CD86: variants seen among roughly 807,000 people sequenced by gnomAD.
CD86 encodes the protein T-lymphocyte activation antigen CD86.
Under a neutral mutation model 32.1 loss-of-function variants are expected in CD86, and 11 were observed. That is an observed-to-expected ratio of 0.34 (90% CI 0.22 to 0.57). CD86 has a LOEUF of 0.57. CD86 is among the 20% of genes least tolerant of loss of function. The probability of loss-of-function intolerance (pLI) is 0.86; values close to 1 mark genes in which losing one functional copy is unlikely to be tolerated. For missense variants in CD86, 359 were observed against 398.4 expected (o/e 0.90, Z 0.84); for synonymous variants, 137 against 135.3 (o/e 1.01, Z -0.09).
chr3:122,086,608 C>T (rs775260381), intron 1 of CD86: 19 of 479,840 alleles, frequency 4.0e-5, no homozygotes, highest in Non-Finnish European at 7.5e-5. Context: ...GAAGCTGGTG[C>T]CTGTCCAGGT....
chr3:122,106,542 T>C, intron 4 of CD86, 42 bp downstream of exon 4: 4 of 1,509,648 alleles, frequency 2.6e-6, no homozygotes, highest in East Asian at 2.3e-5. Context: ...GCAGGTATTA[T>C]ACACAAATGC....
rs142317090 is a variant in CD86, at chr3:122,067,235, C to A, written c.14+11732C>A. ...TTGCTGAGAAGCGTGAACACTAACT[C>A]ATGAGGAGTAAGGCGCGGGTCTTTA... On this transcript the variant is annotated intron_variant, in intron 1 of 6. Transcript: ENST00000330540. 7.1e-3 allele frequency among the ~76,000 whole-genome samples: 1,087 copies of A among 152,282 alleles called. 10 individuals are homozygous for A. Among genetic ancestry groups the A allele is most frequent in the Non-Finnish European group, 7.2e-3 (490 of 68,016 alleles).
chr3:122,116,998 A>G (rs575924306), intron 5 of CD86, among the ~76,000 whole-genome samples: 14 of 152,306 alleles, frequency 9.2e-5, no homozygotes, highest in African/African-American at 2.6e-4. Flanking sequence ...CTCTAAACTG[A>G]AAATGATTGG....
intron 3 of CD86, among the ~76,000 whole-genome samples, chr3:122,104,679 C>CAT (rs1213903782): frequency 6.6e-6 from 1 of 152,176 alleles, no homozygotes; most frequent in Non-Finnish European, 1.5e-5. Context: ...GACAGTGTCA[C>CAT]ATAAGTGAAG....
At chr3:122,113,155 A>G (rs944573143) in intron 5 of CD86, among the ~76,000 whole-genome samples, 5 of 152,242 alleles carry the variant, frequency 3.3e-5, no homozygotes, top group Non-Finnish European at 7.3e-5. Context: ...CTCTGGTTCC[A>G]TCAAAGTTGC....
At chr3:122,061,550 A>G (rs1353349671) in intron 1 of CD86, among the ~76,000 whole-genome samples, 1 of 152,224 alleles carries the variant, frequency 6.6e-6, no homozygotes, top group Non-Finnish European at 1.5e-5. Flanking sequence ...TGGGCAAAAG[A>G]TATAAAAAGA....
In CD86 at chr3:122,094,159, A is replaced by C. The variant is rs190061339; in HGVS notation, c.64+2509A>C. On this transcript the variant is annotated intron_variant, in intron 2 of 6. Transcript: ENST00000330540. Reference sequence around the variant, plus strand: ...CAAGATCTGGGAGAGAAGGAAGAAAAATGCCCTGGAAACACATTTCCAGAA... The same window carrying C: ...CAAGATCTGGGAGAGAAGGAAGAAACATGCCCTGGAAACACATTTCCAGAA... Among the ~76,000 whole-genome samples the C allele has an allele frequency of 3.3e-5, 5 of 152,282 alleles. No individual in the cohort carries two copies. The East Asian group carries it at 9.6e-4, about 29-fold the overall frequency.
intron 1 of CD86, among the ~76,000 whole-genome samples, chr3:122,070,279 C>T (rs1028218861): frequency 1.3e-5 from 2 of 152,114 alleles, no homozygotes; most frequent in African/African-American, 4.8e-5. Flanking sequence ...TACACATTGC[C>T]TCTTCCTTAG....
chr3:122,119,240 A>C (rs2073304432), intron 6 of CD86, among the ~76,000 whole-genome samples, 198 bp from the exon 7 acceptor site: 1 of 152,172 alleles, frequency 6.6e-6, no homozygotes, highest in Admixed American at 6.5e-5. Context: ...GGCAGAAATA[A>C]AGGGTAGCTC....
chr3:122,114,396 A>G (rs1458193523), intron 5 of CD86, among the ~76,000 whole-genome samples: 1 of 152,220 alleles, frequency 6.6e-6, no homozygotes, highest in East Asian at 1.9e-4. Context: ...GACAAAATAT[A>G]TGAAACAACT....
At chr3:122,065,521 C>A (rs2715270) in intron 1 of CD86, among the ~76,000 whole-genome samples, 16,453 of 152,196 alleles carry the variant, frequency 0.11, 958 homozygotes, top group Non-Finnish European at 0.14. Context: ...TGCTAATAAT[C>A]CCACATGGTA....
chr3:122,102,406 CTTTTTTTTTTTTT>C (rs1011413952), intron 2 of CD86, among the ~76,000 whole-genome samples: 5 of 56,158 alleles, frequency 8.9e-5, no homozygotes, highest in Non-Finnish European at 1.3e-4. Flanking sequence ...CCACTGCTTA[CTTTTTTTTTTTTT>C]TTTTTTTTTT....
intron 2 of CD86, among the ~76,000 whole-genome samples, chr3:122,101,103 G>A (rs2072992437): frequency 6.6e-6 from 1 of 152,052 alleles, no homozygotes; most frequent in Non-Finnish European, 1.5e-5. Context: ...ATTTCAAAGT[G>A]ATTTCCACCC....
At chr3:122,113,003 CT>C (rs1488320423) in intron 5 of CD86, among the ~76,000 whole-genome samples, 11 of 152,134 alleles carry the variant, frequency 7.2e-5, no homozygotes, top group Admixed American at 7.2e-4. Flanking sequence ...TCTCTCACCC[CT>C]CCCACTCTTT....
chr3:122,078,278 G>A (rs767239048), intron 1 of CD86, among the ~76,000 whole-genome samples: 1 of 152,274 alleles, frequency 6.6e-6, no homozygotes, highest in East Asian at 1.9e-4. Context: ...TCTGTTTTTC[G>A]TGAGCTAAGA....
At chr3:122,090,463 G>A (rs1208633976) in intron 1 of CD86, among the ~76,000 whole-genome samples, 8 of 152,120 alleles carry the variant, frequency 5.3e-5, no homozygotes, top group Admixed American at 3.3e-4. Context: ...TTTTTACATT[G>A]GCTGTTAAAA....
intron 1 of CD86, among the ~76,000 whole-genome samples, chr3:122,063,013 T>A (rs1304097421): frequency 6.6e-6 from 1 of 152,284 alleles, no homozygotes; most frequent in East Asian, 1.9e-4. Flanking sequence ...TGCAGTTGAA[T>A]CAGGTGAAAG....
intron 1 of CD86, among the ~76,000 whole-genome samples, chr3:122,085,719 G>A (rs565104730): frequency 1.2e-4 from 19 of 152,328 alleles, no homozygotes; most frequent in African/African-American, 3.4e-4. Flanking sequence ...GTGGGACAGC[G>A]GAATGCAGAG....
chr3:122,092,480 T>A (rs1225431022), intron 2 of CD86, among the ~76,000 whole-genome samples: 1 of 152,206 alleles, frequency 6.6e-6, no homozygotes, highest in Non-Finnish European at 1.5e-5. Flanking sequence ...AATTCTACAT[T>A]CTTTTTCTTA....
Sources: allele counts gnomAD v4.1 joint callset (sites outside exome capture counted in the v4.1 genomes callset), GRCh38; gene constraint gnomAD v4.1.1; transcripts MANE v1.5; gene names NCBI Gene and HGNC (gene_info 2026-07-23, HGNC 2026-07-21).